The following TAFA4 variants were observed in gnomAD, a reference collection of about 807,000 sequenced individuals.
The protein encoded by TAFA4 is TAFA chemokine like family member 4.
Under a neutral mutation model 21.1 loss-of-function variants are expected in TAFA4, and 20 were observed. That is an observed-to-expected ratio of 0.95 (90% CI 0.67 to 1.38). The LOEUF is 1.38. Among genes scored for constraint, TAFA4 ranks in the 40% most tolerant of loss-of-function variants. The pLI is 0.00. For missense variants in TAFA4, 211 were observed against 180.9 expected (o/e 1.17, Z -0.95); for synonymous variants, 71 against 67.4 (o/e 1.05, Z -0.26).
chr3:68,906,158 C>A (rs1389821886), intron 1 of TAFA4, among the ~76,000 whole-genome samples: 2 of 152,186 alleles, frequency 1.3e-5, no homozygotes, highest in Non-Finnish European at 2.9e-5. Flanking sequence ...AGTAGACATT[C>A]TTCAAAGGAA....
chr3:68,740,060 T>G (rs985501691), intron 4 of TAFA4, among the ~76,000 whole-genome samples: 1 of 152,204 alleles, frequency 6.6e-6, no homozygotes, highest in African/African-American at 2.4e-5. Context: ...GTGGTGGGCT[T>G]GCCTGGGTTT....
chr3:68,812,309 A>G (rs909398668), intron 3 of TAFA4, among the ~76,000 whole-genome samples: 1 of 152,216 alleles, frequency 6.6e-6, no homozygotes, highest in Non-Finnish European at 1.5e-5. Flanking sequence ...GACAGGATCA[A>G]ATTCACACAT....
intron 3 of TAFA4, among the ~76,000 whole-genome samples, chr3:68,879,862 G>A (rs192727605): frequency 2.8e-4 from 43 of 152,242 alleles, no homozygotes; most frequent in Middle Eastern, 3.4e-3. Flanking sequence ...ACGTGATTTA[G>A]GGTTCAGGCA....
chr3:68,876,186 G>A (rs1009801918), intron 3 of TAFA4, among the ~76,000 whole-genome samples: 1 of 152,112 alleles, frequency 6.6e-6, no homozygotes, highest in African/African-American at 2.4e-5. Flanking sequence ...TGAATATATT[G>A]GGTTAAATAA....
At chr3:68,815,506 T>C (rs1197274707) in intron 3 of TAFA4, among the ~76,000 whole-genome samples, 1 of 152,114 alleles carries the variant, frequency 6.6e-6, no homozygotes, top group Non-Finnish European at 1.5e-5. Flanking sequence ...GGGCAAAGGA[T>C]ATGAACAGAC....
intron 3 of TAFA4, among the ~76,000 whole-genome samples, chr3:68,783,713 A>AAAAGAAAGAAAGAAAGAAAGAAAGAAAG (rs60548305): frequency 1.2e-5 from 1 of 80,754 alleles, no homozygotes; most frequent in African/African-American, 5.4e-5. Flanking sequence ...GAGAGAAAGA[A>AAAAGAAAGAAAGAAAGAAAGAAAGAAAG]AAAGAAAGAA....
intron 3 of TAFA4, among the ~76,000 whole-genome samples, chr3:68,875,399 G>A (rs2089534978): frequency 6.6e-6 from 1 of 152,098 alleles, no homozygotes; most frequent in South Asian, 2.1e-4. Context: ...AAGCTCCCCA[G>A]GGAGAGAATA....
chr3:68,842,993 A>C (rs973790083), intron 3 of TAFA4, among the ~76,000 whole-genome samples: 8 of 151,936 alleles, frequency 5.3e-5, no homozygotes, highest in Non-Finnish European at 1.2e-4. Flanking sequence ...CGTTCTTTTC[A>C]CTTAGGATTG....
At chr3:68,915,276 A>T (rs1377414468) in intron 1 of TAFA4, among the ~76,000 whole-genome samples, 1 of 152,212 alleles carries the variant, frequency 6.6e-6, no homozygotes, top group Non-Finnish European at 1.5e-5. Context: ...CTAGAACACT[A>T]TTACAAGATC....
At chr3:68,815,971 G>T (rs539674096) in intron 3 of TAFA4, among the ~76,000 whole-genome samples, 1 of 152,074 alleles carries the variant, frequency 6.6e-6, no homozygotes, top group Non-Finnish European at 1.5e-5. Context: ...TACACCATGG[G>T]ACACTATGCA....
At chr3:68,745,374 ATAATACACTT>A (rs1195593453) in intron 4 of TAFA4, among the ~76,000 whole-genome samples, 5 of 152,238 alleles carry the variant, frequency 3.3e-5, no homozygotes, top group Non-Finnish European at 5.9e-5. Flanking sequence ...ACAAAATATC[ATAATACACTT>A]TAAATGAGAA....
chr3:68,811,650 G>T (rs1361171778), intron 3 of TAFA4, among the ~76,000 whole-genome samples: 1 of 152,156 alleles, frequency 6.6e-6, no homozygotes, highest in African/African-American at 2.4e-5. Flanking sequence ...AATGAACAAA[G>T]CCTCCAAGAA....
intron 3 of TAFA4, among the ~76,000 whole-genome samples, chr3:68,774,743 G>A (rs1703019766): frequency 6.6e-6 from 1 of 152,156 alleles, no homozygotes; most frequent in African/African-American, 2.4e-5. Flanking sequence ...GAGAAAACAT[G>A]AGAGATCCTC....
chr3:68,784,133 A>C (rs1703206163), intron 3 of TAFA4, among the ~76,000 whole-genome samples: 1 of 152,260 alleles, frequency 6.6e-6, no homozygotes, highest in Non-Finnish European at 1.5e-5. Flanking sequence ...CTCACTAATA[A>C]TTAAAGAAGC....
rs138817779 is a variant in TAFA4 at position 68,887,434 on chromosome 3, T to G, written c.-122-2124A>C. ...CTCTCCCAGGCTGGAGTTGTACACCTGCAGCTCTACATTTCGGGAGTCTCT... is the reference window on the plus strand; with the variant it reads ...CTCTCCCAGGCTGGAGTTGTACACCGGCAGCTCTACATTTCGGGAGTCTCT... On this transcript the variant is annotated intron_variant, in intron 1 of 5. Transcript: ENST00000295569. 7.1e-3 allele frequency among the ~76,000 whole-genome samples: 1,078 copies of G among 152,202 alleles called. 7 individuals are homozygous for G. Among genetic ancestry groups the G allele is most frequent in the African/African-American group, 0.025 (1,034 of 41,530 alleles).
intron 1 of TAFA4, among the ~76,000 whole-genome samples, chr3:68,895,618 C>G (rs2089781024): frequency 6.6e-6 from 1 of 152,068 alleles, no homozygotes; most frequent in Non-Finnish European, 1.5e-5. Context: ...GCACAGGGAA[C>G]TTAGACAGAA....
chr3:68,809,963 G>A (rs1703796396), intron 3 of TAFA4, among the ~76,000 whole-genome samples: 1 of 152,144 alleles, frequency 6.6e-6, no homozygotes, highest in Non-Finnish European at 1.5e-5. Context: ...TTAATTACTT[G>A]CTTGTAGCAG....
chr3:68,813,860 CAA>C (rs1248700563), intron 3 of TAFA4, among the ~76,000 whole-genome samples: 4 of 151,972 alleles, frequency 2.6e-5, no homozygotes, highest in Non-Finnish European at 4.4e-5. Flanking sequence ...AGAGACACAA[CAA>C]AAAAAGAGAA....
intron 3 of TAFA4, among the ~76,000 whole-genome samples, chr3:68,803,499 G>A (rs62254091): frequency 0.27 from 41,667 of 151,952 alleles, 7,087 homozygotes; most frequent in Non-Finnish European, 0.39. Flanking sequence ...AGACATGATC[G>A]TTCATAGGGG....
Sources: gnomAD v4.1 joint callset for allele counts (sites outside exome capture counted in the v4.1 genomes callset) on GRCh38, gnomAD v4.1.1 for gene constraint, MANE v1.5 for transcripts, NCBI Gene and HGNC (gene_info 2026-07-23, HGNC 2026-07-21) for gene names.